Variants in PCDHGB4 observed in about 807,000 individuals in gnomAD.
The protein encoded by PCDHGB4 is protocadherin gamma subfamily B, 4, also known as protocadherin gamma-B4.
In PCDHGB4, 38 loss-of-function variants were observed where a neutral mutation model predicts 60.5. That is an observed-to-expected ratio of 0.63 (90% CI 0.48 to 0.82). The LOEUF (loss-of-function observed/expected upper bound fraction) is 0.82. PCDHGB4 is among the 40% of genes least tolerant of loss of function. The probability of loss-of-function intolerance (pLI) is 0.00; values close to 1 mark genes in which losing one functional copy is unlikely to be tolerated. For missense variants in PCDHGB4, 1,109 were observed against 1,209.6 expected (o/e 0.92, Z 1.23); for synonymous variants, 456 against 509.7 (o/e 0.89, Z 1.42).
At chr5:141,395,340 G>A in intron 1 of PCDHGB4, 2 of 1,419,480 alleles carry the variant, frequency 1.4e-6, no homozygotes, top group Non-Finnish European at 1.9e-6. Context: ...TAATTTTTAA[G>A]GTGTATCACA....
intron 3 of PCDHGB4, among the ~76,000 whole-genome samples, chr5:141,509,045 GC>G (rs1165443091): frequency 6.6e-6 from 1 of 152,060 alleles, no homozygotes; most frequent in Non-Finnish European, 1.5e-5. Context: ...CCTCTCCCCC[GC>G]CCCCAGAAAG....
At chr5:141,478,924 T>C (rs1213046748) in intron 1 of PCDHGB4, 10 of 704,004 alleles carry the variant, frequency 1.4e-5, no homozygotes. Context: ...CTCTAACCAG[T>C]GGCAGCTTCT....
chr5:141,402,942 G>A, intron 1 of PCDHGB4: 1 of 1,591,382 alleles, frequency 6.3e-7, no homozygotes, highest in Non-Finnish European at 8.6e-7. Flanking sequence ...AAATTCCAAA[G>A]CGAGGCAGCA....
Position 141,419,699 on chromosome 5 carries a change from C to G in PCDHGB4, c.2397+29418C>G, listed in dbSNP as rs1488905080. ...CTACCACGTGGTGCAGGCCAGTGAG[C>G]CCGGGCTCTTCAGCCTGGGGCTGCG... On this transcript the variant is annotated intron_variant, in intron 1 of 3. Coordinates refer to ENST00000519479, the MANE Select transcript of PCDHGB4 (RefSeq NM_003736.4). The G allele has an allele frequency of 5.6e-6, 9 of 1,612,806 alleles. No homozygotes were observed. The East Asian group carries it at 1.8e-4, about 32-fold the overall frequency.
At chr5:141,447,834 C>T (rs2098552835) in intron 1 of PCDHGB4, among the ~76,000 whole-genome samples, 1 of 151,844 alleles carries the variant, frequency 6.6e-6, no homozygotes, top group African/African-American at 2.4e-5. Flanking sequence ...GCCTGTAATC[C>T]CAGTGCTTTG....
At chr5:141,406,957 G>A (rs184355186) in intron 1 of PCDHGB4, among the ~76,000 whole-genome samples, 69 of 152,242 alleles carry the variant, frequency 4.5e-4, no homozygotes, top group African/African-American at 1.6e-3. Context: ...ACATAGTGTT[G>A]TTTCAAATAG....
intron 1 of PCDHGB4, chr5:141,402,987 G>GATTA: frequency 6.2e-7 from 1 of 1,611,924 alleles, no homozygotes; most frequent in Non-Finnish European, 8.5e-7. Flanking sequence ...CTCCGCGGAA[G>GATTA]ATTAGTCCTG....
intron 2 of PCDHGB4, among the ~76,000 whole-genome samples, chr5:141,499,738 A>G (rs1284003023): frequency 2.4e-5 from 3 of 127,268 alleles, no homozygotes; most frequent in South Asian, 2.4e-4. Flanking sequence ...TCTCTTGCCC[A>G]GGCTGTGGCA....
At chr5:141,466,574 T>C (rs978880367) in intron 1 of PCDHGB4, among the ~76,000 whole-genome samples, 5 of 152,218 alleles carry the variant, frequency 3.3e-5, no homozygotes, top group Non-Finnish European at 5.9e-5. Flanking sequence ...CAACATTGTC[T>C]CATCCCTTCT....
chr5:141,422,977 G>A (rs1434523351), intron 1 of PCDHGB4: 1 of 1,614,110 alleles, frequency 6.2e-7, no homozygotes, highest in Non-Finnish European at 8.5e-7. Context: ...CCGCTCTGCG[G>A]AACCTGGCTA....
At position 141,486,027 on chromosome 5, in the gene PCDHGB4, C is replaced by A. The variant is rs2099623152; in HGVS notation, c.2398-8780C>A. 2 of 1,614,048 alleles carry A rather than the reference C, an allele frequency of 1.2e-6. No individual in the cohort carries two copies. Among genetic ancestry groups the A allele is most frequent in the African/African-American group, 2.7e-5 (2 of 74,912 alleles). On this transcript the variant is annotated intron_variant, in intron 1 of 3. Coordinates refer to ENST00000519479, the MANE Select transcript of PCDHGB4 (RefSeq NM_003736.4). The surrounding 1 kb of genome is among the most constrained non-coding windows in gnomAD (Gnocchi z 5.0). ...GTCACCTTTTATTTCAGTGGTCATA[C>A]CCCTGATCGTGTAAGAAACCTCTTT...
chr5:141,404,833 C>G (rs754055876), intron 1 of PCDHGB4: 1 of 1,613,844 alleles, frequency 6.2e-7, no homozygotes, highest in Admixed American at 1.7e-5. Flanking sequence ...GTGAAGTGCG[C>G]ACAGCTCGGG....
At chr5:141,478,524 C>T in intron 1 of PCDHGB4, 1 of 1,609,844 alleles carries the variant, frequency 6.2e-7, no homozygotes, top group Non-Finnish European at 8.5e-7. Flanking sequence ...GTGTTGGGTG[C>T]AGAGAGCGCC....
rs2099756055 is a variant in PCDHGB4, at chr5:141,494,679, C to T, written c.2398-128C>T. The T allele has an allele frequency of 3.9e-6, 6 of 1,556,494 alleles. No homozygotes were observed. In the South Asian group the frequency reaches 4.7e-5, roughly 12 times the overall value. ...GTCTTTGGAGATGAGTCCACCCCTG[C>T]CCCCTCTTAGTCCGTTTTCTTCTCT... is the stretch of plus-strand genomic sequence containing the variant. On this transcript the variant is annotated intron_variant, in intron 1 of 3. Coordinates refer to ENST00000519479, the MANE Select transcript of PCDHGB4 (RefSeq NM_003736.4).
chr5:141,474,908 T>C (rs1016814167), intron 1 of PCDHGB4, among the ~76,000 whole-genome samples: 7 of 152,242 alleles, frequency 4.6e-5, no homozygotes, highest in African/African-American at 1.4e-4. Flanking sequence ...TGTTCAAGGA[T>C]ATACATCTCA....
chr5:141,438,231 TG>T (rs987686126), intron 1 of PCDHGB4, among the ~76,000 whole-genome samples: 1 of 152,082 alleles, frequency 6.6e-6, no homozygotes, highest in African/African-American at 2.4e-5. Context: ...TTCAGGAAAA[TG>T]TTTTTAAAAA....
In PCDHGB4 at chr5:141,486,757, C is replaced by A; in HGVS notation, c.2398-8050C>A. 5 of 1,614,228 alleles carry A rather than the reference C, an allele frequency of 3.1e-6. No homozygotes were observed. Among genetic ancestry groups the A allele is most frequent in the Non-Finnish European group, 4.2e-6 (5 of 1,180,036 alleles). ...CTCGATCCTTTGACTATGAGCAAAC[C>A]CAGACACTGCAGTTTGAGGTGCAGG... On this transcript the variant is annotated intron_variant, in intron 1 of 3. Coordinates refer to ENST00000519479, the MANE Select transcript of PCDHGB4 (RefSeq NM_003736.4). This position sits in a 1 kb window ranked among gnomAD's most constrained non-coding sequence, Gnocchi z 5.0.
intron 2 of PCDHGB4, among the ~76,000 whole-genome samples, chr5:141,499,575 T>TCCCTA (rs2099792820): frequency 1.3e-5 from 2 of 152,202 alleles, no homozygotes; most frequent in Non-Finnish European, 2.9e-5. Context: ...CTTCAACTAA[T>TCCCTA]GCCTTATCTT....
chr5:141,423,177 C>G (rs748689237), intron 1 of PCDHGB4: 7 of 1,613,430 alleles, frequency 4.3e-6, no homozygotes, highest in Non-Finnish European at 5.1e-6. Context: ...TCCAGGACCA[C>G]GGCCAGCCCC....
Sources: allele counts gnomAD v4.1 joint callset (sites outside exome capture counted in the v4.1 genomes callset), GRCh38; gene constraint gnomAD v4.1.1; non-coding constraint Gnocchi (gnomAD v3.1); transcripts MANE v1.5; gene names NCBI Gene and HGNC (gene_info 2026-07-23, HGNC 2026-07-21).